The following CCDC7 variants were observed in gnomAD, a reference collection of about 807,000 sequenced individuals.
CCDC7 encodes the protein coiled-coil domain containing 7.
A neutral mutation model predicts 196.9 loss-of-function variants in CCDC7; 183 were observed. That is an observed-to-expected ratio of 0.93 (90% CI 0.82 to 1.05). CCDC7 has a LOEUF of 1.05. CCDC7 is among the 50% of genes least tolerant of loss of function. The pLI is 0.00. For missense variants in CCDC7, 1,540 were observed against 1,482.2 expected, an observed-to-expected ratio of 1.04 and a Z score of -0.64; for synonymous variants, 525 against 484.6, an observed-to-expected ratio of 1.08 and a Z score of -1.10.
At chr10:32,672,814 T>A (rs1763802) in intron 21 of CCDC7, among the ~76,000 whole-genome samples, 126,913 of 152,046 alleles carry the variant, frequency 0.83, 53,585 homozygotes, top group Non-Finnish European at 0.9. Context: ...GTTGCTACAG[T>A]TTCATTAATG....
At chr10:32,845,357 T>A in intron 34 of CCDC7, 31 bp downstream of exon 35, 1 of 1,442,746 alleles carries the variant, frequency 6.9e-7, no homozygotes, top group Non-Finnish European at 9.5e-7. Flanking sequence ...CATCTAATAT[T>A]TATGGCTGAT....
chr10:32,663,007 G>A (rs774395270), intron 20 of CCDC7, among the ~76,000 whole-genome samples: 5 of 152,100 alleles, frequency 3.3e-5, no homozygotes, highest in Admixed American at 6.6e-5. Context: ...GTCAGAGGCC[G>A]AATAGCAGCC....
At chr10:32,550,798 G>A (rs1229762917) in intron 13 of CCDC7, among the ~76,000 whole-genome samples, 1 of 152,108 alleles carries the variant, frequency 6.6e-6, no homozygotes, top group African/African-American at 2.4e-5. Flanking sequence ...GATTCAGTTA[G>A]CTAGTATTTT....
intron 25 of CCDC7, among the ~76,000 whole-genome samples, chr10:32,717,155 T>A (rs1241200893): frequency 2.0e-5 from 3 of 152,076 alleles, no homozygotes; most frequent in Non-Finnish European, 2.9e-5. Context: ...CCTCAGCAAA[T>A]GCAAAAGAAT....
intron 20 of CCDC7, among the ~76,000 whole-genome samples, chr10:32,639,691 G>A (rs1276593705): frequency 5.4e-5 from 8 of 149,262 alleles, no homozygotes; most frequent in Non-Finnish European, 1.2e-4. Flanking sequence ...GCAGTGGCAC[G>A]ATCTCGGCTC....
At chr10:32,589,306 A>G (rs984175963) in intron 18 of CCDC7, among the ~76,000 whole-genome samples, 1 of 152,252 alleles carries the variant, frequency 6.6e-6, no homozygotes, top group South Asian at 2.1e-4. Context: ...AGTTCCATCT[A>G]TGTTGTTGCA....
intron 20 of CCDC7, among the ~76,000 whole-genome samples, chr10:32,640,869 TTTTTTTC>T (rs1377149424): frequency 2.1e-4 from 14 of 66,052 alleles, no homozygotes; most frequent in South Asian, 7.5e-4. Flanking sequence ...ATTTTCTTTT[TTTTTTTC>T]TTTTTTTTTT....
At chr10:32,841,858 AG>A (rs772119975) in intron 33 of CCDC7, among the ~76,000 whole-genome samples, 7 of 152,162 alleles carry the variant, frequency 4.6e-5, no homozygotes, top group African/African-American at 1.2e-4. Context: ...AAGTGGGGAA[AG>A]GACACCGTAT....
chr10:32,534,130 T>A (rs1265086068), intron 11 of CCDC7, among the ~76,000 whole-genome samples: 2 of 152,142 alleles, frequency 1.3e-5, no homozygotes, highest in Non-Finnish European at 2.9e-5. Context: ...TATTTTCAAA[T>A]AGCCAATCTT....
intron 24 of CCDC7, among the ~76,000 whole-genome samples, chr10:32,705,964 C>G (rs189018026): frequency 6.6e-6 from 1 of 152,222 alleles, no homozygotes; most frequent in East Asian, 1.9e-4. Flanking sequence ...CTGCACCAAG[C>G]GGACCTACTG....
chr10:32,545,614 C>T lies in CCDC7; in HGVS notation c.1134+1313C>T, dbSNP rs373055716. On this transcript the variant is annotated intron_variant, in intron 13 of 41. Coordinates refer to ENST00000639629, the Ensembl canonical transcript of CCDC7. ...AGGGTACACAATACCTGTCAAATTTCGTATGTCTGGGCAGGATGCGGTGGC... is the reference window on the plus strand; with the variant it reads ...AGGGTACACAATACCTGTCAAATTTTGTATGTCTGGGCAGGATGCGGTGGC... 1.2e-4 allele frequency among the ~76,000 whole-genome samples: 18 copies of T among 152,096 alleles called. 1 individual carries two copies. The highest frequency in any genetic ancestry group is 9.8e-4 in the Admixed American group (15 of 15,274).
chr10:32,848,682 A>T lies in CCDC7; in HGVS notation c.3859A>T (p.Thr1287Ser), dbSNP rs141718517. Residue 1287 changes from threonine (T) to serine (S), a missense_variant, in exon 39 of 42, where the codon ACA becomes TCA. Physicochemically the swap from Thr to Ser is moderately conservative, Grantham distance 58 (BLOSUM62 1). Transcript: ENST00000639629. ...GAGCATTACACCAAGTAAATTCCCA[A>T]CAAAAGTGATCAATTTATCACCCTT... 3 of 1,552,758 alleles carry T rather than the reference A, an allele frequency of 1.9e-6. No individual in the cohort carries two copies. The African/African-American group carries it at 4.1e-5, about 21-fold the overall frequency.
At chr10:32,664,917 T>C (rs2072314566) in intron 21 of CCDC7, among the ~76,000 whole-genome samples, 1 of 152,088 alleles carries the variant, frequency 6.6e-6, no homozygotes, top group Non-Finnish European at 1.5e-5. Flanking sequence ...CTTTACTAAT[T>C]TACATTCCCA....
chr10:32,818,258 T>G (rs1168353516), intron 31 of CCDC7, among the ~76,000 whole-genome samples: 1 of 152,144 alleles, frequency 6.6e-6, no homozygotes, highest in Admixed American at 6.5e-5. Flanking sequence ...TACATAATGG[T>G]AAAGAGATCA....
intron 13 of CCDC7, among the ~76,000 whole-genome samples, chr10:32,564,624 G>A (rs901961692): frequency 9.9e-5 from 15 of 151,560 alleles, no homozygotes; most frequent in Non-Finnish European, 2.2e-4. Flanking sequence ...ACACAGGAAG[G>A]GGAACATCAC....
intron 9 of CCDC7, among the ~76,000 whole-genome samples, chr10:32,515,876 T>G (rs796788969): frequency 1.3e-4 from 20 of 152,140 alleles, no homozygotes; most frequent in African/African-American, 4.8e-4. Context: ...AATGTCAAAA[T>G]TATCAAAGAA....
At chr10:32,528,758 G>A (rs61856037) in intron 11 of CCDC7, among the ~76,000 whole-genome samples, 50,595 of 145,076 alleles carry the variant, frequency 0.35, 11,084 homozygotes, top group Non-Finnish European at 0.5. Flanking sequence ...ACATATATAC[G>A]TATTTACATA....
intron 21 of CCDC7, among the ~76,000 whole-genome samples, chr10:32,682,215 T>G (rs2075954090): frequency 6.6e-6 from 1 of 152,144 alleles, no homozygotes; most frequent in Admixed American, 6.5e-5. Context: ...ATTTTTCCCC[T>G]CTTTGTGTCC....
At chr10:32,534,487 G>A (rs1431709820) in intron 11 of CCDC7, among the ~76,000 whole-genome samples, 2 of 151,958 alleles carry the variant, frequency 1.3e-5, no homozygotes, top group Non-Finnish European at 2.9e-5. Flanking sequence ...CTGTGCCTTT[G>A]CTTTGAAGAA....
Sources: allele counts gnomAD v4.1 joint callset (sites outside exome capture counted in the v4.1 genomes callset), GRCh38; gene constraint gnomAD v4.1.1; transcripts MANE v1.5; gene names NCBI Gene and HGNC (gene_info 2026-07-23, HGNC 2026-07-21).